GCA: variants seen among roughly 807,000 people sequenced by gnomAD.
GCA encodes the protein grancalcin, EF-hand calcium-binding protein.
In GCA, 30 loss-of-function variants were observed where a neutral mutation model predicts 32.6. That is an observed-to-expected ratio of 0.92 (90% CI 0.69 to 1.25). The LOEUF (loss-of-function observed/expected upper bound fraction) is 1.25, where lower values mean the gene tolerates loss of function less well. GCA is among the 50% of genes most tolerant of loss of function. The pLI, the probability that GCA is intolerant of heterozygous loss-of-function variation, is 0.00. For synonymous variants in GCA, 102 were observed against 84.6 expected, an observed-to-expected ratio of 1.21 and a Z score of -1.13; for missense variants, 291 against 266.8, an observed-to-expected ratio of 1.09 and a Z score of -0.63.
intron 1 of GCA, among the ~76,000 whole-genome samples, chr2:162,322,676 C>T (rs1303302725): frequency 6.7e-5 from 10 of 149,222 alleles, no homozygotes; most frequent in Admixed American, 2.0e-4. Context: ...TTTGTTCTTG[C>T]GATAGTTTAC....
upstream of GCA, among the ~76,000 whole-genome samples, chr2:162,342,286 G>A (rs1684478746): frequency 6.6e-6 from 1 of 152,190 alleles, no homozygotes; most frequent in Admixed American, 6.5e-5. Flanking sequence ...TATATTGGCA[G>A]GAACTATGAA....
At position 162,359,662 on chromosome 2, in the gene GCA, C is replaced by A. The variant is rs552325546; in HGVS notation, c.627+110C>A. ...ACTGGAAATAATATATTTGGTATGC[C>A]ACATACTTTTCCATATTTTTCAGTG... On this transcript the variant is annotated intron_variant, in intron 7 of 7. Transcript: ENST00000437150. 96 of 500,996 alleles carry A rather than the reference C, an allele frequency of 1.9e-4. 1 individual carries two copies. The highest frequency in any genetic ancestry group is 1.7e-3 in the African/African-American group (84 of 49,726). The allele number at this position is 500,996 out of a possible 1,614,324, so 31.0% of individuals were successfully genotyped here.
rs897792469 is a variant in GCA at position 162,362,246 on chromosome 2, A to G, written c.*2003A>G. The G allele has an allele frequency of 1.9e-5, 19 of 984,494 alleles. No individual in the cohort carries two copies. Among genetic ancestry groups the G allele is most frequent in the Non-Finnish European group, 1.9e-5 (16 of 829,488 alleles). 61.0% of individuals were successfully genotyped at this position (984,494 alleles called of 1,614,324 possible). A position where few individuals can be genotyped will look rare whatever the true frequency, so the allele number is the denominator to read the frequency against. ...GACCCAGTTTTTTCCAAACTTTTTG[A>G]CCACAGAACCCCTTTCTCTAGCAAA... On this transcript the variant is annotated 3_prime_UTR_variant, in exon 8 of 8. Transcript: ENST00000437150.
upstream of GCA, among the ~76,000 whole-genome samples, chr2:162,342,975 T>G (rs1471781042): frequency 6.6e-6 from 1 of 152,242 alleles, no homozygotes; most frequent in African/African-American, 2.4e-5. Context: ...TGAAGGAACT[T>G]ACAGACACTT....
rs573090476 is a variant in GCA at position 162,347,415 on chromosome 2, G to A, written c.28-163G>A. 3.9e-5 allele frequency among the ~76,000 whole-genome samples: 6 copies of A among 152,272 alleles called. No individual in the cohort carries two copies. In the South Asian group the frequency reaches 1.2e-3, roughly 32 times the overall value. ...TTGATGAATTGAATTATGTCTTAAT[G>A]TAGGACATCTAACATTTTGTAGTTA... On this transcript the variant is annotated intron_variant, in intron 1 of 7. Coordinates refer to ENST00000437150, the MANE Select transcript of GCA (RefSeq NM_012198.5).
downstream of GCA, among the ~76,000 whole-genome samples, chr2:162,374,215 A>T (rs1198250698): frequency 6.6e-6 from 1 of 152,164 alleles, no homozygotes; most frequent in African/African-American, 2.4e-5. Flanking sequence ...TAAATGTTAA[A>T]TTCTTTTTCC....
intron 1 of GCA, among the ~76,000 whole-genome samples, chr2:162,333,592 C>T (rs79318505): frequency 0.02 from 3,088 of 152,084 alleles, 128 homozygotes; most frequent in African/African-American, 0.072. Flanking sequence ...GTAAGAGTCT[C>T]AAGGGACATA....
At chr2:162,324,780 A>G (rs1273970322) in intron 1 of GCA, among the ~76,000 whole-genome samples, 5 of 152,140 alleles carry the variant, frequency 3.3e-5, no homozygotes, top group Admixed American at 6.5e-5. Context: ...CAGCACTTCC[A>G]TATCATTTAT....
chr2:162,339,660 G>T (rs1238743999), upstream of GCA, among the ~76,000 whole-genome samples: 1 of 152,134 alleles, frequency 6.6e-6, no homozygotes, highest in Non-Finnish European at 1.5e-5. Context: ...CTTATAAAAA[G>T]AGACCCCAGA....
downstream of GCA, among the ~76,000 whole-genome samples, chr2:162,374,228 CTT>C (rs1686078665): frequency 6.6e-6 from 1 of 152,126 alleles, no homozygotes; most frequent in Non-Finnish European, 1.5e-5. Flanking sequence ...CTTTTTCCCT[CTT>C]AATATGTCAT....
Position 162,360,427 on chromosome 2 carries a change from A to T in GCA, c.*184A>T. On this transcript the variant is annotated 3_prime_UTR_variant, in exon 8 of 8. Transcript: ENST00000437150. ...AATAAAAGATTTCTTTTTTAATTTG[A>T]GGTATTACTGCTTTTGGAAAAGTTA... 1.7e-6 allele frequency: 2 copies of T among 1,196,054 alleles called. No individual in the cohort carries two copies. Among genetic ancestry groups the T allele is most frequent in the Non-Finnish European group, 2.2e-6 (2 of 917,182 alleles). The allele number at this position is 1,196,054 out of a possible 1,614,324, so 74.1% of individuals were successfully genotyped here. A position where few individuals can be genotyped will look rare whatever the true frequency, so the allele number is the denominator to read the frequency against.
rs1204374858 is a variant in GCA at position 162,360,863 on chromosome 2, A to G, written c.*620A>G. On this transcript the variant is annotated 3_prime_UTR_variant, in exon 8 of 8. Transcript: ENST00000437150. Reference sequence around the variant, plus strand: ...TTTCCTTTTTTATTTTTTGTATTATATATTTTTCTTAAATATGTTTTATTG... The same window carrying G: ...TTTCCTTTTTTATTTTTTGTATTATGTATTTTTCTTAAATATGTTTTATTG... 4.5e-6 allele frequency: 5 copies of G among 1,123,364 alleles called. No individual in the cohort carries two copies. Among genetic ancestry groups the G allele is most frequent in the Middle Eastern group, 2.7e-4 (1 of 3,716 alleles). The allele number at this position is 1,123,364 out of a possible 1,614,324, so 69.6% of individuals were successfully genotyped here.
rs1326490816 is a variant in GCA, at chr2:162,344,258, C to G, written c.10C>G (p.Pro4Ala). MAY[P>A]GYGGGFGNFS... ...GCTCGTCCCGCTCGTCATGGCCTACCCGGGATACGGAGGAGGGGTGAGTCC... is the reference window on the plus strand; with the variant it reads ...GCTCGTCCCGCTCGTCATGGCCTACGCGGGATACGGAGGAGGGGTGAGTCC... Residue 4 changes from proline (P) to alanine (A), a missense_variant, in exon 1 of 8, where the codon CCG (proline) becomes GCG (alanine). Physicochemically the swap from Pro to Ala is conservative, Grantham distance 27 (BLOSUM62 -1). Transcript: ENST00000437150. 2 of 1,613,714 alleles carry G rather than the reference C, an allele frequency of 1.2e-6. No homozygotes were observed. Among genetic ancestry groups the G allele is most frequent in the South Asian group, 1.1e-5 (1 of 91,084 alleles).
upstream of GCA, among the ~76,000 whole-genome samples, chr2:162,343,607 C>T (rs1279015661): frequency 6.6e-6 from 1 of 152,198 alleles, no homozygotes; most frequent in African/African-American, 2.4e-5. Flanking sequence ...AATGTGGCCT[C>T]AAGTGGGTTT....
upstream of GCA, among the ~76,000 whole-genome samples, chr2:162,341,318 T>G (rs1684442453): frequency 7.0e-6 from 1 of 141,850 alleles, no homozygotes; most frequent in African/African-American, 2.6e-5. Flanking sequence ...ATGAGGCAAG[T>G]AGGCTCTGGG....
intron 1 of GCA, among the ~76,000 whole-genome samples, chr2:162,338,120 G>T (rs747832516): frequency 3.3e-5 from 5 of 152,174 alleles, no homozygotes; most frequent in Admixed American, 6.5e-5. Flanking sequence ...AAAGTCAAAT[G>T]TGATAATGTG....
At chr2:162,345,131 G>GGTGGTGGTGGTGGTGGTGGTGGTGGTT (rs146219747) in intron 1 of GCA, among the ~76,000 whole-genome samples, 12 of 144,226 alleles carry the variant, frequency 8.3e-5, no homozygotes, top group South Asian at 2.2e-4. Context: ...TGGTGGTGGT[G>GGTGGTGGTGGTGGTGGTGGTGGTGGTT]GTGGTTGTGG....
At chr2:162,359,788 T>C (rs1402037864) in intron 7 of GCA, among the ~76,000 whole-genome samples, 2 of 150,926 alleles carry the variant, frequency 1.3e-5, no homozygotes, top group African/African-American at 2.4e-5. Context: ...GTTTTTTGAA[T>C]TAAAAAAAAA....
chr2:162,355,668 A>G (rs998825451), intron 3 of GCA, among the ~76,000 whole-genome samples: 13 of 152,076 alleles, frequency 8.5e-5, no homozygotes, highest in African/African-American at 3.1e-4. Flanking sequence ...TTGTAGTTCT[A>G]TAAATATGAA....
Sources: gnomAD v4.1 joint callset for allele counts (sites outside exome capture counted in the v4.1 genomes callset) on GRCh38, gnomAD v4.1.1 for gene constraint, MANE v1.5 for transcripts, NCBI Gene and HGNC (gene_info 2026-07-23, HGNC 2026-07-21) for gene names.